The following EPB41L4A variants were observed in gnomAD, a reference collection of about 807,000 sequenced individuals.
The protein encoded by EPB41L4A is band 4.1-like protein 4A.
In EPB41L4A, 100 loss-of-function variants were observed where a neutral mutation model predicts 108.6. The ratio of observed to expected loss-of-function variants is 0.92; its 90% CI spans 0.78 to 1.09. The LOEUF (loss-of-function observed/expected upper bound fraction) is 1.09, where lower values mean the gene tolerates loss of function less well. Among genes scored for constraint, EPB41L4A ranks in the 50% least tolerant of loss-of-function variants. The pLI is 0.00. For synonymous variants in EPB41L4A, 319 were observed against 289.0 expected (o/e 1.10, Z -1.05); for missense variants, 1,030 against 842.7 (o/e 1.22, Z -2.75).
chr5:112,373,228 C>G (rs1759606745), intron 1 of EPB41L4A, among the ~76,000 whole-genome samples: 1 of 152,114 alleles, frequency 6.6e-6, no homozygotes, highest in African/African-American at 2.4e-5. Flanking sequence ...TGAAGGTCAC[C>G]AACAGTGAGG....
intron 1 of EPB41L4A, among the ~76,000 whole-genome samples, chr5:112,343,053 C>T (rs910384762): frequency 1.6e-4 from 24 of 152,174 alleles, no homozygotes; most frequent in African/African-American, 5.5e-4. Flanking sequence ...AAGCAACTAG[C>T]ATACAAAGCA....
chr5:112,408,030 G>C (rs1421708646), intron 1 of EPB41L4A, among the ~76,000 whole-genome samples: 1 of 152,160 alleles, frequency 6.6e-6, no homozygotes. Flanking sequence ...CAAGGAACTA[G>C]TAAAAATAAA....
chr5:112,197,356 C>A (rs982712346), intron 15 of EPB41L4A, among the ~76,000 whole-genome samples: 1 of 152,120 alleles, frequency 6.6e-6, no homozygotes, highest in Admixed American at 6.5e-5. Flanking sequence ...GTATGGCTTA[C>A]GTTACTCCAT....
intron 9 of EPB41L4A, among the ~76,000 whole-genome samples, chr5:112,241,303 A>C (rs1297095847): frequency 6.6e-6 from 1 of 152,200 alleles, no homozygotes; most frequent in Non-Finnish European, 1.5e-5. Context: ...GGGAAAATTA[A>C]ATAATGCCTC....
rs554370425 is a variant in EPB41L4A at position 112,153,004 on chromosome 5, A to C, written n.994+5397T>G. ...GAGGCTAAGGCGGGTGGATAGCTTC[A>C]GTTCAGGAGTTCGAGACTAGCCTGG... is the stretch of plus-strand genomic sequence containing the variant. On this transcript the variant is annotated intron_variant and non_coding_transcript_variant, in intron 12 of 13. Transcript: ENST00000507810. 3.1e-4 allele frequency among the ~76,000 whole-genome samples: 46 copies of C among 147,684 alleles called. 1 individual carries two copies. In the South Asian group the frequency reaches 8.0e-3, roughly 26 times the overall value.
intron 1 of EPB41L4A, among the ~76,000 whole-genome samples, chr5:112,361,804 C>A (rs1758786393): frequency 6.6e-6 from 1 of 152,026 alleles, no homozygotes; most frequent in Non-Finnish European, 1.5e-5. Flanking sequence ...GGAGGATCAA[C>A]TGAGCCTGGG....
At chr5:112,289,498 G>T (rs1753507694) in intron 2 of EPB41L4A, among the ~76,000 whole-genome samples, 2 of 152,172 alleles carry the variant, frequency 1.3e-5, no homozygotes, top group Admixed American at 6.5e-5. Flanking sequence ...CCAATAGAAT[G>T]CCACAGAAGT....
intron 1 of EPB41L4A, among the ~76,000 whole-genome samples, chr5:112,356,156 T>C (rs1285673867): frequency 6.6e-6 from 1 of 152,136 alleles, no homozygotes; most frequent in Non-Finnish European, 1.5e-5. Flanking sequence ...CTCCACATTG[T>C]GGGTAGAAGT....
At chr5:112,375,536 T>A (rs1353109050) in intron 1 of EPB41L4A, among the ~76,000 whole-genome samples, 1 of 152,158 alleles carries the variant, frequency 6.6e-6, no homozygotes, top group Non-Finnish European at 1.5e-5. Context: ...GCAGAGATGT[T>A]AGAATTATCT....
intron 1 of EPB41L4A, among the ~76,000 whole-genome samples, chr5:112,315,352 T>A (rs561171037): frequency 1.1e-4 from 16 of 152,350 alleles, no homozygotes; most frequent in Admixed American, 6.5e-4. Flanking sequence ...GTGCTGAGTA[T>A]CACACACCAC....
chr5:112,197,889 CA>C (rs1382215250), intron 15 of EPB41L4A, among the ~76,000 whole-genome samples: 1 of 152,028 alleles, frequency 6.6e-6, no homozygotes, highest in Non-Finnish European at 1.5e-5. Context: ...TTTTGGAACC[CA>C]AAATTTCTGA....
chr5:112,296,704 C>A (rs1032042745), intron 2 of EPB41L4A, among the ~76,000 whole-genome samples: 1 of 152,132 alleles, frequency 6.6e-6, no homozygotes, highest in Non-Finnish European at 1.5e-5. Flanking sequence ...GTGCAACCAT[C>A]ACCCAAGCAG....
chr5:112,202,602 T>C (rs146827120), intron 15 of EPB41L4A, among the ~76,000 whole-genome samples: 212 of 152,262 alleles, frequency 1.4e-3, no homozygotes, highest in Non-Finnish European at 2.1e-3. Context: ...ATTACCCTAT[T>C]ATTCTGTCTA....
At chr5:112,279,141 T>G (rs1418252899) in intron 3 of EPB41L4A, among the ~76,000 whole-genome samples, 1 of 150,796 alleles carries the variant, frequency 6.6e-6, no homozygotes. Flanking sequence ...TCGGTTCAAA[T>G]ATGCTAGAGC....
intron 1 of EPB41L4A, among the ~76,000 whole-genome samples, chr5:112,339,558 G>C (rs1757174857): frequency 1.5e-5 from 2 of 129,146 alleles, no homozygotes; most frequent in Non-Finnish European, 3.1e-5. Flanking sequence ...TTTTTAGACA[G>C]AGTCTCATTC....
At chr5:112,417,792 T>C (rs1762798704) in intron 1 of EPB41L4A, among the ~76,000 whole-genome samples, 1 of 152,200 alleles carries the variant, frequency 6.6e-6, no homozygotes, top group Non-Finnish European at 1.5e-5. Context: ...ACTGATTATT[T>C]TTGCTCCTTT....
chr5:112,259,170 T>C (rs555285193), intron 9 of EPB41L4A, 59 bp downstream of exon 9: 2 of 1,320,530 alleles, frequency 1.5e-6, no homozygotes, highest in Admixed American at 1.8e-5. Flanking sequence ...TCTTTTAAGC[T>C]ACAAATGAAC....
At chr5:112,410,578 T>G (rs1216878078) in intron 1 of EPB41L4A, among the ~76,000 whole-genome samples, 2 of 152,160 alleles carry the variant, frequency 1.3e-5, no homozygotes, top group Non-Finnish European at 2.9e-5. Context: ...AGAGGTAGAC[T>G]GGACACTGAT....
At chr5:112,233,521 A>G (rs1749107074) in intron 12 of EPB41L4A, among the ~76,000 whole-genome samples, 1 of 152,200 alleles carries the variant, frequency 6.6e-6, no homozygotes, top group Non-Finnish European at 1.5e-5. Context: ...ACAAAGAACC[A>G]ACTGGATTCT....
Sources: allele counts gnomAD v4.1 joint callset (sites outside exome capture counted in the v4.1 genomes callset), GRCh38; gene constraint gnomAD v4.1.1; transcripts MANE v1.5; gene names NCBI Gene and HGNC (gene_info 2026-07-23, HGNC 2026-07-21).